CLXN: variants seen among roughly 807,000 people sequenced by gnomAD.
CLXN encodes EF-hand calcium binding domain 1.
chr8:48,726,853 C>A, the CLXN span, among the ~76,000 whole-genome samples: 1 of 135,462 alleles, frequency 7.4e-6, no homozygotes, highest in African/African-American at 2.9e-5. Flanking sequence ...ATCCACCCAT[C>A]TATCCATGCA....
At chr8:48,735,204 C>G in the CLXN span, 1 of 1,606,018 alleles carries the variant, frequency 6.2e-7, no homozygotes, top group South Asian at 1.1e-5. Flanking sequence ...CGCGCGGCTA[C>G]CGAGACCCTC....
At chr8:48,717,428 T>C in the CLXN span, among the ~76,000 whole-genome samples, 2 of 152,140 alleles carry the variant, frequency 1.3e-5, no homozygotes, top group South Asian at 4.1e-4. Flanking sequence ...TCAAGAATAC[T>C]ATACCTGCAA....
the CLXN span, among the ~76,000 whole-genome samples, chr8:48,728,061 C>T: frequency 6.6e-5 from 10 of 152,108 alleles, no homozygotes; most frequent in Admixed American, 2.0e-4. Flanking sequence ...GTTGAGTAGG[C>T]GGCAGGAGAC....
At chr8:48,729,724 T>A in the CLXN span, 1 of 1,603,638 alleles carries the variant, frequency 6.2e-7, no homozygotes, top group Non-Finnish European at 8.5e-7. Flanking sequence ...ATTTACCATT[T>A]TCTTCAGTGT....
At chr8:48,726,357 C>T in the CLXN span, among the ~76,000 whole-genome samples, 384 of 150,182 alleles carry the variant, frequency 2.6e-3, no homozygotes, top group Admixed American at 8.0e-3. Flanking sequence ...TCCACCCACT[C>T]ATCATTTCAT....
chr8:48,716,916 T>G, the CLXN span, among the ~76,000 whole-genome samples: 10 of 152,162 alleles, frequency 6.6e-5, no homozygotes, highest in African/African-American at 2.4e-4. Flanking sequence ...GGCTGAAAAC[T>G]TCCCAAATCT....
chr8:48,713,571 G>C, the CLXN span: 1 of 152,116 alleles, frequency 6.6e-6, no homozygotes. Context: ...ATAACTTTGT[G>C]GGGGGAGGCA....
the CLXN span, among the ~76,000 whole-genome samples, chr8:48,712,600 C>T: frequency 6.6e-6 from 1 of 152,252 alleles, no homozygotes; most frequent in African/African-American, 2.4e-5. Context: ...CAGTGAGCTG[C>T]TGCCTGGGCA....
chr8:48,714,591 A>T, the CLXN span, among the ~76,000 whole-genome samples: 3 of 152,216 alleles, frequency 2.0e-5, no homozygotes, highest in Non-Finnish European at 4.4e-5. Context: ...TTAGGTACAG[A>T]TGTCTAAGAA....
the CLXN span, among the ~76,000 whole-genome samples, chr8:48,726,870 A>AATCT: frequency 0.22 from 30,436 of 136,000 alleles, 3,727 homozygotes; most frequent in Middle Eastern, 0.31. Context: ...TGCATCTATC[A>AATCT]ATCTATCTAT....
At chr8:48,730,116 C>T in the CLXN span, 1 of 374,948 alleles carries the variant, frequency 2.7e-6, no homozygotes, top group South Asian at 7.6e-5. Context: ...CACCTTGAAA[C>T]TCTTGGAAAA....
the CLXN span, among the ~76,000 whole-genome samples, chr8:48,720,612 A>G: frequency 6.6e-6 from 1 of 152,278 alleles, no homozygotes; most frequent in East Asian, 1.9e-4. Flanking sequence ...CAATACGTGC[A>G]CCACTGAACA....
the CLXN span, chr8:48,713,909 C>A: frequency 6.6e-6 from 1 of 152,138 alleles, no homozygotes; most frequent in Admixed American, 6.6e-5. Context: ...AATAGAATTT[C>A]TTCATGCTGC....
the CLXN span, among the ~76,000 whole-genome samples, chr8:48,721,177 T>C: frequency 6.6e-6 from 1 of 151,970 alleles, no homozygotes; most frequent in East Asian, 1.9e-4. Flanking sequence ...AAATGAGCTA[T>C]CTGAAAAACA....
chr8:48,729,808 A>C, the CLXN span: 1 of 1,613,426 alleles, frequency 6.2e-7, no homozygotes, highest in Non-Finnish European at 8.5e-7. Flanking sequence ...GTTCTTCAAC[A>C]TGTGAAACAT....
the CLXN span, chr8:48,723,459 T>A: frequency 6.6e-6 from 1 of 152,306 alleles, no homozygotes; most frequent in South Asian, 2.1e-4. Context: ...AACAGTGCAT[T>A]TTTTCACACA....
At chr8:48,713,426 G>A in the CLXN span, among the ~76,000 whole-genome samples, 1 of 152,172 alleles carries the variant, frequency 6.6e-6, no homozygotes, top group Non-Finnish European at 1.5e-5. Flanking sequence ...ATGGCCCCCT[G>A]AGATAAGACA....
the CLXN span, among the ~76,000 whole-genome samples, chr8:48,721,284 G>C: frequency 6.6e-6 from 1 of 151,980 alleles, no homozygotes; most frequent in Non-Finnish European, 1.5e-5. Flanking sequence ...AAATTATAAA[G>C]GCAATGATGA....
chr8:48,722,990 G>T, the CLXN span, among the ~76,000 whole-genome samples: 1 of 152,114 alleles, frequency 6.6e-6, no homozygotes, highest in African/African-American at 2.4e-5. Flanking sequence ...AAGGGCTGGG[G>T]ATAGCAGGGT....
Sources: gnomAD v4.1 joint callset for allele counts (sites outside exome capture counted in the v4.1 genomes callset) on GRCh38, gnomAD v4.1.1 for gene constraint, MANE v1.5 for transcripts, NCBI Gene and HGNC (gene_info 2026-07-23, HGNC 2026-07-21) for gene names.